EDIL3: variants seen among roughly 807,000 people sequenced by gnomAD.
The protein encoded by EDIL3 is EGF like and discoidin domains 3, also known as EGF-like repeat and discoidin I-like domain-containing protein 3.
Under a neutral mutation model 67.4 loss-of-function variants are expected in EDIL3, and 37 were observed. The observed-to-expected ratio is 0.55, with a 90% CI of 0.42 to 0.72. The LOEUF is 0.72. Ranked by LOEUF, EDIL3 falls within the 30% of genes least tolerant of loss-of-function variation. The pLI, the probability that EDIL3 is intolerant of heterozygous loss-of-function variation, is 0.00. For missense variants in EDIL3, 527 were observed against 586.3 expected (o/e 0.90, Z 1.04); for synonymous variants, 195 against 196.3 (o/e 0.99, Z 0.05).
chr5:84,042,806 C>T (rs1347211493), intron 9 of EDIL3, among the ~76,000 whole-genome samples: 6 of 152,270 alleles, frequency 3.9e-5, no homozygotes, highest in Non-Finnish European at 7.4e-5. Flanking sequence ...TCCTATTACT[C>T]AACACGTGGG....
intron 3 of EDIL3, among the ~76,000 whole-genome samples, chr5:84,185,442 AG>A (rs1307056288): frequency 1.3e-5 from 2 of 152,102 alleles, no homozygotes; most frequent in African/African-American, 4.8e-5. Context: ...CTCATGACAG[AG>A]TGTTGAAATG....
intron 5 of EDIL3, among the ~76,000 whole-genome samples, chr5:84,107,559 C>G (rs1159249950): frequency 1.3e-5 from 2 of 151,360 alleles, no homozygotes; most frequent in Non-Finnish European, 3.0e-5. Flanking sequence ...ATTCACAATT[C>G]TACATATTGG....
intron 9 of EDIL3, among the ~76,000 whole-genome samples, chr5:84,046,380 T>C (rs1580297446): frequency 6.6e-6 from 1 of 152,098 alleles, no homozygotes; most frequent in Admixed American, 6.5e-5. Flanking sequence ...AGATATCCCC[T>C]GAAAAAAATG....
At chr5:84,008,881 C>T (rs968176101) in intron 9 of EDIL3, among the ~76,000 whole-genome samples, 1 of 152,166 alleles carries the variant, frequency 6.6e-6, no homozygotes, top group Non-Finnish European at 1.5e-5. Flanking sequence ...GATGGGATCT[C>T]AGCTCACTGC....
intron 1 of EDIL3, among the ~76,000 whole-genome samples, chr5:84,383,530 G>A (rs1363649540): frequency 2.0e-5 from 3 of 152,100 alleles, no homozygotes; most frequent in Admixed American, 2.0e-4. Flanking sequence ...CACCCTACAA[G>A]CTCTCACAAC....
At chr5:84,044,684 A>G (rs1366511028) in intron 9 of EDIL3, among the ~76,000 whole-genome samples, 1 of 152,170 alleles carries the variant, frequency 6.6e-6, no homozygotes, top group Non-Finnish European at 1.5e-5. Flanking sequence ...TTTTGGATTC[A>G]CAAAAAGGAC....
At chr5:84,029,860 A>C (rs1745886435) in intron 9 of EDIL3, among the ~76,000 whole-genome samples, 1 of 152,184 alleles carries the variant, frequency 6.6e-6, no homozygotes, top group Non-Finnish European at 1.5e-5. Flanking sequence ...AAAAAATTGC[A>C]CCCAGGGAAA....
intron 6 of EDIL3, among the ~76,000 whole-genome samples, chr5:84,083,635 T>C (rs1466638162): frequency 6.6e-6 from 1 of 152,076 alleles, no homozygotes; most frequent in Non-Finnish European, 1.5e-5. Flanking sequence ...AATTTTTTCA[T>C]CTATACAATG....
At chr5:84,152,958 A>T (rs1748423781) in intron 4 of EDIL3, among the ~76,000 whole-genome samples, 1 of 152,192 alleles carries the variant, frequency 6.6e-6, no homozygotes, top group Non-Finnish European at 1.5e-5. Flanking sequence ...TACTATACTA[A>T]ATTCATATGT....
At chr5:84,363,735 G>T (rs1747667291) in intron 1 of EDIL3, among the ~76,000 whole-genome samples, 1 of 152,182 alleles carries the variant, frequency 6.6e-6, no homozygotes. Context: ...TTTCATGATG[G>T]TGAGTGACTA....
At chr5:84,337,381 G>C (rs1378657754) in intron 1 of EDIL3, among the ~76,000 whole-genome samples, 3 of 152,252 alleles carry the variant, frequency 2.0e-5, no homozygotes, top group South Asian at 2.1e-4. Context: ...AGGGAGTGGG[G>C]AGACTACTGA....
At chr5:84,349,986 T>A (rs1747322440) in intron 1 of EDIL3, among the ~76,000 whole-genome samples, 1 of 152,144 alleles carries the variant, frequency 6.6e-6, no homozygotes, top group Admixed American at 6.6e-5. Context: ...CTTTATTTAT[T>A]TCTACAAATG....
At chr5:84,351,498 A>G (rs1747361229) in intron 1 of EDIL3, among the ~76,000 whole-genome samples, 1 of 152,170 alleles carries the variant, frequency 6.6e-6, no homozygotes, top group Non-Finnish European at 1.5e-5. Flanking sequence ...ATCATTGCTG[A>G]CGATAAGCTA....
At chr5:84,115,054 T>G (rs1747640397) in intron 5 of EDIL3, among the ~76,000 whole-genome samples, 1 of 152,198 alleles carries the variant, frequency 6.6e-6, no homozygotes, top group Non-Finnish European at 1.5e-5. Context: ...AACAAATCAT[T>G]GCTTTTTGGA....
rs1056912366 is a variant in EDIL3 at position 83,941,826 on chromosome 5, T to C, written c.*1593A>G. On this transcript the variant is annotated 3_prime_UTR_variant, in exon 11 of 11. Transcript: ENST00000296591. ...GAACTAATTTTGTTCTTATTAAAAA[T>C]GCCAATACAATTGACTTTCTCTTTA... The C allele has an allele frequency of 3.3e-5, 5 of 151,970 alleles. No homozygotes were observed. The highest frequency in any genetic ancestry group is 1.2e-4 in the African/African-American group (5 of 41,406). The allele number at this position is 151,970 out of a possible 1,614,324, so 9.4% of individuals were successfully genotyped here.
In EDIL3 at chr5:84,193,521, G is replaced by A. The variant is rs114914234; in HGVS notation, c.227-13000C>T. ...AGAGTGTGGCCTGGAGATACTTAAT[G>A]TTAGTGTTTGTGGAAATAGATGGCG... On this transcript the variant is annotated intron_variant, in intron 3 of 10. Transcript: ENST00000296591. Among the ~76,000 whole-genome samples the A allele has an allele frequency of 5.6e-3, 846 of 151,970 alleles. 7 individuals are homozygous for A. Among genetic ancestry groups the A allele is most frequent in the African/African-American group, 0.019 (786 of 41,494 alleles).
chr5:84,175,951 A>G (rs997538688), intron 4 of EDIL3, among the ~76,000 whole-genome samples: 9 of 152,014 alleles, frequency 5.9e-5, no homozygotes, highest in African/African-American at 2.2e-4. Context: ...ATATGTGATT[A>G]ATGCAATTAA....
intron 1 of EDIL3, among the ~76,000 whole-genome samples, chr5:84,305,831 A>C (rs949046476): frequency 1.3e-4 from 20 of 152,208 alleles, no homozygotes; most frequent in Middle Eastern, 3.4e-3. Flanking sequence ...GTGATCCAAA[A>C]TCATGCCATT....
chr5:84,356,493 T>C (rs1580098202), intron 1 of EDIL3, among the ~76,000 whole-genome samples: 1 of 152,216 alleles, frequency 6.6e-6, no homozygotes, highest in Non-Finnish European at 1.5e-5. Context: ...CTGAGTATTC[T>C]GCATAACGAT....
Sources: allele counts gnomAD v4.1 joint callset (sites outside exome capture counted in the v4.1 genomes callset), GRCh38; gene constraint gnomAD v4.1.1; transcripts MANE v1.5; gene names NCBI Gene and HGNC (gene_info 2026-07-23, HGNC 2026-07-21).